WDR33: variants seen among roughly 807,000 people sequenced by gnomAD.
WDR33 encodes the protein WD repeat domain 33.
A neutral mutation model predicts 164.9 loss-of-function variants in WDR33; 47 were observed. The observed-to-expected ratio is 0.29, with a 90% CI of 0.23 to 0.36. The LOEUF (loss-of-function observed/expected upper bound fraction) is 0.36, where lower values mean the gene tolerates loss of function less well. WDR33 is among the 10% of genes least tolerant of loss of function. The pLI, the probability that WDR33 is intolerant of heterozygous loss-of-function variation, is 1.00. For missense variants in WDR33, 1,137 were observed against 1,754.1 expected (o/e 0.65, Z 6.28); for synonymous variants, 505 against 589.0 (o/e 0.86, Z 2.06).
chr2:127,759,847 C>T (rs1687625564), intron 7 of WDR33, among the ~76,000 whole-genome samples: 2 of 152,084 alleles, frequency 1.3e-5, no homozygotes, highest in South Asian at 4.1e-4. Context: ...TTGAGACCAG[C>T]CTGGGCAACA....
chr2:127,721,772 A>C lies in WDR33; in HGVS notation c.1671+64T>G. ...CTTCCCTTTTCCTTAAGAGCCTATC[A>C]ATAAAAATGTCACCACTACCCTCTT... On this transcript the variant is annotated intron_variant, in intron 15 of 21. Coordinates refer to ENST00000322313, the MANE Select transcript of WDR33 (RefSeq NM_018383.5). The surrounding 1 kb of genome is among the most constrained non-coding windows in gnomAD (Gnocchi z 4.9). 6.7e-7 allele frequency: 1 copy of C among 1,502,106 alleles called. No individual in the cohort carries two copies. Among genetic ancestry groups the C allele is most frequent in the Non-Finnish European group, 8.9e-7 (1 of 1,124,810 alleles). 93.0% of individuals were successfully genotyped at this position (1,502,106 alleles called of 1,614,324 possible). A position where few individuals can be genotyped will look rare whatever the true frequency, so the allele number is the denominator to read the frequency against.
chr2:127,778,744 G>C (rs946097377), intron 1 of WDR33, among the ~76,000 whole-genome samples: 1 of 152,072 alleles, frequency 6.6e-6, no homozygotes, highest in African/African-American at 2.4e-5. Flanking sequence ...TCAGGGGAGA[G>C]ACACTTGAGA....
At chr2:127,807,117 G>A (rs1689465707) in intron 1 of WDR33, among the ~76,000 whole-genome samples, 1 of 152,090 alleles carries the variant, frequency 6.6e-6, no homozygotes, top group African/African-American at 2.4e-5. Context: ...CAATTCTCTT[G>A]CCTCAGCTTC....
chr2:127,801,104 GAAAAAAAA>G (rs36096560), intron 1 of WDR33, among the ~76,000 whole-genome samples: 23 of 137,344 alleles, frequency 1.7e-4, no homozygotes, highest in Non-Finnish European at 3.1e-4. Context: ...CTGTCTCTAG[GAAAAAAAA>G]AAAAAAGAAA....
intron 1 of WDR33, among the ~76,000 whole-genome samples, chr2:127,780,287 AC>A (rs1688327033): frequency 6.6e-6 from 1 of 152,038 alleles, no homozygotes; most frequent in Non-Finnish European, 1.5e-5. Flanking sequence ...AACACTCCTG[AC>A]CCCAGGGTCA....
chr2:127,747,243 T>C (rs940914483), intron 7 of WDR33, among the ~76,000 whole-genome samples: 1 of 152,168 alleles, frequency 6.6e-6, no homozygotes, highest in Admixed American at 6.5e-5. Flanking sequence ...GAATATGCTG[T>C]TTTTTCCATA....
intron 21 of WDR33, among the ~76,000 whole-genome samples, chr2:127,707,817 T>C (rs1001523980): frequency 1.3e-5 from 2 of 152,154 alleles, no homozygotes; most frequent in African/African-American, 4.8e-5. Context: ...CACAAAAGCA[T>C]GGTGGCGCAC....
intron 7 of WDR33, among the ~76,000 whole-genome samples, chr2:127,729,566 A>G (rs1686652866): frequency 6.7e-6 from 1 of 150,134 alleles, no homozygotes; most frequent in Non-Finnish European, 1.5e-5. Flanking sequence ...ATCTCGGCTC[A>G]CTGCAACCAA....
At chr2:127,728,884 T>A (rs1448604787) in intron 7 of WDR33, among the ~76,000 whole-genome samples, 1 of 152,218 alleles carries the variant, frequency 6.6e-6, no homozygotes, top group East Asian at 1.9e-4. Flanking sequence ...GTTTATTACA[T>A]AAAGAACGTA....
chr2:127,702,095 C>G lies in WDR33; in HGVS notation c.*4228G>C. The G allele has an allele frequency of 8.2e-7, 1 of 1,217,006 alleles. No individual in the cohort carries two copies. The highest frequency in any genetic ancestry group is 1.0e-6 in the Non-Finnish European group (1 of 981,050). The allele number at this position is 1,217,006 out of a possible 1,614,324, so 75.4% of individuals were successfully genotyped here. A position where few individuals can be genotyped will look rare whatever the true frequency, so the allele number is the denominator to read the frequency against. On this transcript the variant is annotated 3_prime_UTR_variant, in exon 22 of 22. Coordinates refer to ENST00000322313, the MANE Select transcript of WDR33 (RefSeq NM_018383.5). ...TGGCCGCGCTGGTTGGGCTGCTGCC[C>G]TGGGGCGGCGGCACCGCGCTGCGCC...
intron 1 of WDR33, among the ~76,000 whole-genome samples, chr2:127,788,008 C>T (rs1480470000): frequency 1.4e-5 from 1 of 73,624 alleles, no homozygotes; most frequent in East Asian, 4.1e-4. Context: ...GTTGGCTGGC[C>T]GGGCGGGGGG....
rs1342329513 is a variant in WDR33, at chr2:127,763,957, G to A, written c.627-798C>T. 4 of 985,690 alleles carry A rather than the reference G, an allele frequency of 4.1e-6. No homozygotes were observed. In the Admixed American group the frequency reaches 2.5e-4, roughly 61 times the overall value. The allele number at this position is 985,690 out of a possible 1,614,324, so 61.1% of individuals were successfully genotyped here. On this transcript the variant is annotated intron_variant, in intron 6 of 21. Transcript: ENST00000322313. This position sits in a 1 kb window ranked among gnomAD's most constrained non-coding sequence, Gnocchi z 4.5. ...GAAGCATGTTCATCCAACAATTTCT[G>A]TTAAGATTCTGAAAGTATGAACAAA...
chr2:127,772,123 C>A (rs940049131), intron 1 of WDR33, among the ~76,000 whole-genome samples: 2 of 151,948 alleles, frequency 1.3e-5, no homozygotes, highest in Admixed American at 6.5e-5. Flanking sequence ...GCCACCAAGC[C>A]TGGCCTTACA....
intron 18 of WDR33, among the ~76,000 whole-genome samples, chr2:127,711,780 A>ATATATATATATTTTTTTTTTTTTTT: frequency 7.9e-5 from 7 of 88,306 alleles, no homozygotes; most frequent in African/African-American, 4.5e-4. Flanking sequence ...ATATATATAT[A>ATATATATATATTTTTTTTTTTTTTT]TTTTTTTTTT....
intron 7 of WDR33, among the ~76,000 whole-genome samples, chr2:127,758,046 T>C (rs1023338753): frequency 1.3e-5 from 2 of 152,220 alleles, no homozygotes; most frequent in African/African-American, 4.8e-5. Context: ...CCTGCGTAAG[T>C]CTCAATATAA....
rs759035481 is a variant in WDR33, at chr2:127,716,003, C to A, written c.2869+1152G>T. On this transcript the variant is annotated intron_variant, in intron 17 of 21. Coordinates refer to ENST00000322313, the MANE Select transcript of WDR33 (RefSeq NM_018383.5). The surrounding 1 kb of genome is among the most constrained non-coding windows in gnomAD (Gnocchi z 4.5). ...AGAGGGAAGGAGGTGGAGACAGACA[C>A]AGGGCAGGGAGAGGAAGAGAGGCAG... Among the ~76,000 whole-genome samples the A allele has an allele frequency of 2.0e-5, 3 of 152,074 alleles. No homozygotes were observed. The highest frequency in any genetic ancestry group is 4.4e-5 in the Non-Finnish European group (3 of 68,018).
intron 7 of WDR33, among the ~76,000 whole-genome samples, chr2:127,743,488 T>C (rs1207549476): frequency 6.6e-6 from 1 of 152,210 alleles, no homozygotes; most frequent in Non-Finnish European, 1.5e-5. Flanking sequence ...TTATCAATAG[T>C]ATCATTCATA....
intron 7 of WDR33, among the ~76,000 whole-genome samples, chr2:127,753,168 C>T (rs776239726): frequency 6.6e-6 from 1 of 152,066 alleles, no homozygotes; most frequent in Non-Finnish European, 1.5e-5. Context: ...CTCAAGTGAT[C>T]CACCTGCCTT....
rs1255760088 is a variant in WDR33 at position 127,710,274 on chromosome 2, G to A, written c.3309-418C>T. Among the ~76,000 whole-genome samples the A allele has an allele frequency of 2.6e-5, 4 of 152,256 alleles. No homozygotes were observed. The highest frequency in any genetic ancestry group is 6.8e-3 in the Middle Eastern group (2 of 294). The stretch of plus-strand genomic sequence containing the variant: ...CTGAACTCAGCCAGTCTTGACCCTC[G>A]GCCCAGGTTCTGTATCACTGCCTCA... On this transcript the variant is annotated intron_variant, in intron 18 of 21. Transcript: ENST00000322313. This position sits in a 1 kb window ranked among gnomAD's most constrained non-coding sequence, Gnocchi z 4.4.
Sources: allele counts gnomAD v4.1 joint callset (sites outside exome capture counted in the v4.1 genomes callset), GRCh38; gene constraint gnomAD v4.1.1; non-coding constraint Gnocchi (gnomAD v3.1); transcripts MANE v1.5; gene names NCBI Gene and HGNC (gene_info 2026-07-23, HGNC 2026-07-21).